Variants in BUB1B observed in about 807,000 individuals in gnomAD.
BUB1B encodes BUB1 mitotic checkpoint serine/threonine kinase B.
In BUB1B, 86 loss-of-function variants were observed where a neutral mutation model predicts 137.7. The ratio of observed to expected loss-of-function variants is 0.62; its 90% CI spans 0.52 to 0.75. BUB1B has a LOEUF of 0.75. BUB1B is among the 30% of genes least tolerant of loss of function. The pLI, the probability that BUB1B is intolerant of heterozygous loss-of-function variation, is 0.00. For missense variants in BUB1B, 1,130 were observed against 1,236.9 expected, an observed-to-expected ratio of 0.91 and a Z score of 1.30; for synonymous variants, 420 against 417.9, an observed-to-expected ratio of 1.00 and a Z score of -0.06.
At chr15:40,182,809 A>C (rs28620590) in intron 5 of BUB1B, among the ~76,000 whole-genome samples, 2,818 of 152,272 alleles carry the variant, frequency 0.019, 42 homozygotes, top group Middle Eastern at 0.031. Flanking sequence ...TTACATTCAC[A>C]TACCACCACT....
chr15:40,198,239 G>GTTTTTTTTTTTGT (rs1555382906), intron 9 of BUB1B, among the ~76,000 whole-genome samples: 14 of 146,086 alleles, frequency 9.6e-5, no homozygotes, highest in African/African-American at 3.5e-4. Flanking sequence ...TTTCTATTGT[G>GTTTTTTTTTTTGT]TTTTTTTTTT....
intron 20 of BUB1B, 200 bp from the exon 21 acceptor site, chr15:40,217,296 C>T: frequency 3.3e-6 from 2 of 604,846 alleles, no homozygotes; most frequent in Non-Finnish European, 5.9e-6. Context: ...CTTTGTGTCA[C>T]CAAAGTGGTG....
At chr15:40,169,010 G>A (rs2037131248) in intron 2 of BUB1B, among the ~76,000 whole-genome samples, 1 of 151,914 alleles carries the variant, frequency 6.6e-6, no homozygotes, top group African/African-American at 2.4e-5. Flanking sequence ...TGTGTACTTT[G>A]TTTTTCTTAT....
intron 5 of BUB1B, 82 bp downstream of exon 5, chr15:40,176,755 T>C: frequency 7.0e-7 from 1 of 1,430,556 alleles, no homozygotes; most frequent in South Asian, 1.2e-5. Flanking sequence ...TAAAGTGCTT[T>C]CTGGTGGATT....
At position 40,202,440 on chromosome 15, in the gene BUB1B, C is replaced by CTT. The variant is rs2037583224; in HGVS notation, c.1604_1605dup (p.Leu536PhefsTer18). The stretch of plus-strand genomic sequence containing the variant: ...ACCTTTCTCCATTTTTGATGAGTTT[C>CTT]TTCTTTCAGAAAAGAAGAATAAAAG... On this transcript the variant is annotated frameshift_variant, in exon 13 of 23. Coordinates refer to ENST00000287598, the MANE Select transcript of BUB1B (RefSeq NM_001211.6). LOFTEE classifies it high-confidence loss of function. 1 of 1,611,836 alleles carries CTT rather than the reference C, an allele frequency of 6.2e-7. No homozygotes were observed. Among genetic ancestry groups the CTT allele is most frequent in the Admixed American group, 1.7e-5 (1 of 59,850 alleles).
chr15:40,209,897 A>G lies in BUB1B; in HGVS notation c.2284+122A>G, dbSNP rs2037689127. The G allele has an allele frequency of 7.9e-6, 10 of 1,272,760 alleles. No homozygotes were observed. The South Asian group carries it at 8.7e-5, about 11-fold the overall frequency. 78.8% of individuals were successfully genotyped at this position (1,272,760 alleles called of 1,614,324 possible). A position where few individuals can be genotyped will look rare whatever the true frequency, so the allele number is the denominator to read the frequency against. On this transcript the variant is annotated intron_variant, in intron 17 of 22. Coordinates refer to ENST00000287598, the MANE Select transcript of BUB1B (RefSeq NM_001211.6). Reference sequence around the variant, plus strand: ...CTAGATTGTATTTTTTAAAAAAGCAATATAGAGGATGACACATCAGTAACT... The same window carrying G: ...CTAGATTGTATTTTTTAAAAAAGCAGTATAGAGGATGACACATCAGTAACT...
chr15:40,202,743 T>G (rs1479816312), intron 14 of BUB1B, 49 bp downstream of exon 14: 9 of 1,482,632 alleles, frequency 6.1e-6, no homozygotes, highest in Middle Eastern at 1.7e-4. Flanking sequence ...GTGGATTGTT[T>G]ATTCAAAACC....
chr15:40,186,611 AT>A (rs779133905), intron 8 of BUB1B, among the ~76,000 whole-genome samples: 610 of 138,654 alleles, frequency 4.4e-3, no homozygotes, highest in Middle Eastern at 7.2e-3. Flanking sequence ...CGCCCAGCTA[AT>A]TTTTTTTTTT....
intron 9 of BUB1B, among the ~76,000 whole-genome samples, chr15:40,198,363 C>A (rs1363886378): frequency 6.6e-6 from 1 of 151,936 alleles, no homozygotes; most frequent in African/African-American, 2.4e-5. Context: ...TAGGCATGAG[C>A]CACCATGCAG....
chr15:40,186,252 T>G (rs556221279), intron 8 of BUB1B, among the ~76,000 whole-genome samples: 2 of 152,208 alleles, frequency 1.3e-5, no homozygotes, highest in Admixed American at 1.3e-4. Flanking sequence ...ATTTTGTCAT[T>G]GATAGTAATG....
chr15:40,185,200 C>A lies in BUB1B; in HGVS notation c.787C>A (p.Pro263Thr). 6.2e-7 allele frequency: 1 copy of A among 1,614,088 alleles called. No individual in the cohort carries two copies. Among genetic ancestry groups the A allele is most frequent in the Non-Finnish European group, 8.5e-7 (1 of 1,179,998 alleles). The change falls in exon 7 of 23, where the codon CCT (proline) becomes ACT (threonine). Residue 263 changes from proline to threonine, a missense_variant. Physicochemically the swap from Pro to Thr is conservative, Grantham distance 38 (BLOSUM62 -1). Transcript: ENST00000287598. ...SQNRGLQNPF[P>T]QQMQNNSRIT... Reference sequence around the variant, plus strand: ...GAACAGAGGACTCCAAAATCCATTTCCTCAACAGATGCAAAATAATAGTAG... The same window carrying A: ...GAACAGAGGACTCCAAAATCCATTTACTCAACAGATGCAAAATAATAGTAG...
chr15:40,183,741 A>G lies in BUB1B; in HGVS notation c.609A>G (p.Gln203=). ...HRQFQARVSR[Q]TLLALEKEEE... is the part of the protein sequence containing the mutation. ...AATTCCAAGCTCGAGTGTCTCGGCAAACTCTGTTGGCACTTGAGAAAGAAG... is the reference window on the plus strand; with the variant it reads ...AATTCCAAGCTCGAGTGTCTCGGCAGACTCTGTTGGCACTTGAGAAAGAAG... The change falls in exon 6 of 23, where the codon CAA becomes CAG. Residue 203 remains glutamine (Q), a synonymous_variant. Coordinates refer to ENST00000287598, the MANE Select transcript of BUB1B (RefSeq NM_001211.6). 1 of 1,614,134 alleles carries G rather than the reference A, an allele frequency of 6.2e-7. No individual in the cohort carries two copies. Among genetic ancestry groups the G allele is most frequent in the Non-Finnish European group, 8.5e-7 (1 of 1,179,984 alleles).
intron 17 of BUB1B, 121 bp from the exon 18 acceptor site, chr15:40,209,989 A>G (rs2037690637): frequency 6.0e-6 from 6 of 994,120 alleles, no homozygotes; most frequent in African/African-American, 1.6e-5. Context: ...TTTTAAAAGT[A>G]TTCTAGATAC....
chr15:40,164,880 G>GA (rs1258675399), intron 1 of BUB1B, among the ~76,000 whole-genome samples, 173 bp from the exon 2 acceptor site: 5 of 152,096 alleles, frequency 3.3e-5, no homozygotes, highest in Middle Eastern at 3.4e-3. Context: ...CCATAAACTT[G>GA]AAAAACAGCT....
intron 8 of BUB1B, among the ~76,000 whole-genome samples, chr15:40,195,792 C>A (rs1306922168): frequency 1.3e-5 from 2 of 152,062 alleles, no homozygotes; most frequent in Non-Finnish European, 2.9e-5. Context: ...TGAAAATTGT[C>A]TATTCATGTC....
intron 21 of BUB1B, among the ~76,000 whole-genome samples, chr15:40,217,908 C>A (rs2037821449): frequency 6.6e-6 from 1 of 152,204 alleles, no homozygotes; most frequent in African/African-American, 2.4e-5. Context: ...CTCCTACTGC[C>A]TACCACCCAT....
intron 20 of BUB1B, among the ~76,000 whole-genome samples, chr15:40,216,577 T>A (rs868263262): frequency 0.011 from 1,413 of 126,730 alleles, 12 homozygotes; most frequent in African/African-American, 0.039. Context: ...ATATATTTTT[T>A]TTTTTTTTTA....
At chr15:40,175,901 C>A (rs1467678894) in intron 4 of BUB1B, among the ~76,000 whole-genome samples, 1 of 152,100 alleles carries the variant, frequency 6.6e-6, no homozygotes, top group Non-Finnish European at 1.5e-5. Flanking sequence ...GATAAAAGTC[C>A]ATTTCTCCTT....
At chr15:40,204,589 A>G (rs1442622025) in intron 14 of BUB1B, among the ~76,000 whole-genome samples, 1 of 151,508 alleles carries the variant, frequency 6.6e-6, no homozygotes, top group East Asian at 1.9e-4. Context: ...ATAAACATCT[A>G]TTTTACTTTA....
Sources: gnomAD v4.1 joint callset for allele counts (sites outside exome capture counted in the v4.1 genomes callset) on GRCh38, gnomAD v4.1.1 for gene constraint, MANE v1.5 for transcripts, NCBI Gene and HGNC (gene_info 2026-07-23, HGNC 2026-07-21) for gene names.